DDX46: variants seen among roughly 807,000 people sequenced by gnomAD.
The protein encoded by DDX46 is probable ATP-dependent RNA helicase DDX46.
Under a neutral mutation model 134.9 loss-of-function variants are expected in DDX46, and 30 were observed. That is an observed-to-expected ratio of 0.22 (90% CI 0.17 to 0.30). DDX46 has a LOEUF of 0.30. Among genes scored for constraint, DDX46 ranks in the 10% least tolerant of loss-of-function variants. DDX46 has a pLI of 1.00. For missense variants in DDX46, 622 were observed against 1,248.7 expected (o/e 0.50, Z 7.56); for synonymous variants, 415 against 404.1 (o/e 1.03, Z -0.32).
At chr5:134,821,790 C>G (rs190815591) in intron 21 of DDX46, among the ~76,000 whole-genome samples, 184 of 149,954 alleles carry the variant, frequency 1.2e-3, no homozygotes, top group Middle Eastern at 7.0e-3. Flanking sequence ...CTCCTGACCT[C>G]ATGATCTGCC....
chr5:134,779,710 G>A (rs1484463504), intron 6 of DDX46, among the ~76,000 whole-genome samples: 3 of 151,948 alleles, frequency 2.0e-5, no homozygotes, highest in African/African-American at 2.4e-5. Context: ...GGCTGGTCTC[G>A]AACTCCTGGA....
chr5:134,763,314 A>G (rs1342622179), intron 1 of DDX46, among the ~76,000 whole-genome samples: 3 of 152,178 alleles, frequency 2.0e-5, no homozygotes, highest in Non-Finnish European at 4.4e-5. Flanking sequence ...TTGGTGTAAA[A>G]GACAGAGTCC....
At chr5:134,787,383 T>C (rs1754370508) in intron 11 of DDX46, among the ~76,000 whole-genome samples, 1 of 152,254 alleles carries the variant, frequency 6.6e-6, no homozygotes, top group South Asian at 2.1e-4. Context: ...TTCTTTGTTC[T>C]TAATAAGCTA....
intron 18 of DDX46, among the ~76,000 whole-genome samples, chr5:134,813,362 C>T (rs1019067814): frequency 6.6e-6 from 1 of 152,192 alleles, no homozygotes. Context: ...GCAGTTTAGT[C>T]AGGTAGTTCT....
chr5:134,824,833 T>C (rs1319719632), intron 21 of DDX46, among the ~76,000 whole-genome samples: 1 of 152,216 alleles, frequency 6.6e-6, no homozygotes, highest in Non-Finnish European at 1.5e-5. Context: ...GCTGGCTCCT[T>C]GGAGGCTCTG....
chr5:134,781,178 A>G lies in DDX46; in HGVS notation c.811A>G (p.Lys271Glu). Residue 271 changes from lysine (K) to glutamate (E), a missense_variant, in exon 7 of 23, where the codon AAA becomes GAA. Around this residue, in one of 8 missense-constraint regions of DDX46, gnomAD observed 244 missense variants for 349.3 expected, o/e 0.70. Coordinates refer to ENST00000452510, the MANE Select transcript of DDX46 (RefSeq NM_001300860.2). ...AAAAGTTGTCACTGTTGTGACAACCAAAAAAGCAGTTGTGGATTCTGATAA... is the reference window on the plus strand; with the variant it reads ...AAAAGTTGTCACTGTTGTGACAACCGAAAAAGCAGTTGTGGATTCTGATAA... ...VTKVVTVVTT[K>E]KAVVDSDKKK... 1 of 1,602,116 alleles carries G rather than the reference A, an allele frequency of 6.2e-7. No homozygotes were observed. Among genetic ancestry groups the G allele is most frequent in the Admixed American group, 1.8e-5 (1 of 55,874 alleles).
intron 22 of DDX46, among the ~76,000 whole-genome samples, chr5:134,828,126 C>CA (rs1460931037): frequency 6.6e-6 from 1 of 152,096 alleles, no homozygotes; most frequent in Non-Finnish European, 1.5e-5. Context: ...TCTTTAGTGC[C>CA]AGTTGCAGCT....
At chr5:134,807,155 G>T (rs1755013274) in intron 15 of DDX46, among the ~76,000 whole-genome samples, 1 of 149,030 alleles carries the variant, frequency 6.7e-6, no homozygotes, top group African/African-American at 2.5e-5. Context: ...CCAGGTTCAG[G>T]CATGTGCCAC....
intron 4 of DDX46, 54 bp from the exon 5 acceptor site, chr5:134,773,642 T>G: frequency 6.6e-7 from 1 of 1,515,246 alleles, no homozygotes; most frequent in Non-Finnish European, 8.8e-7. Context: ...AATTATTAAA[T>G]TTGGTTTTGC....
chr5:134,774,263 C>T (rs1753865177), intron 5 of DDX46, among the ~76,000 whole-genome samples: 1 of 152,154 alleles, frequency 6.6e-6, no homozygotes, highest in African/African-American at 2.4e-5. Flanking sequence ...CTTCAAGGTG[C>T]ATGTATGTTG....
At chr5:134,768,787 G>A (rs1753663022) in intron 3 of DDX46, among the ~76,000 whole-genome samples, 1 of 152,054 alleles carries the variant, frequency 6.6e-6, no homozygotes, top group African/African-American at 2.4e-5. Flanking sequence ...AAGTCTGGGT[G>A]AAGTGGCTCA....
chr5:134,782,412 C>G (rs542167905), intron 8 of DDX46, among the ~76,000 whole-genome samples: 2 of 151,918 alleles, frequency 1.3e-5, no homozygotes, highest in South Asian at 2.1e-4. Context: ...GAGGCCAAGG[C>G]GGGCAGATCA....
chr5:134,811,056 T>G (rs1755128407), intron 16 of DDX46, among the ~76,000 whole-genome samples, 165 bp from the exon 17 acceptor site: 1 of 152,154 alleles, frequency 6.6e-6, no homozygotes, highest in Admixed American at 6.5e-5. Flanking sequence ...ATATTTCACT[T>G]TGAACCATTA....
At chr5:134,816,223 A>G (rs1755284816) in intron 18 of DDX46, among the ~76,000 whole-genome samples, 2 of 152,170 alleles carry the variant, frequency 1.3e-5, no homozygotes, top group South Asian at 4.1e-4. Context: ...TCTCCCTACC[A>G]TAGACAACTG....
intron 15 of DDX46, among the ~76,000 whole-genome samples, chr5:134,796,436 A>G (rs544131185): frequency 6.6e-6 from 1 of 152,312 alleles, no homozygotes; most frequent in South Asian, 2.1e-4. Context: ...TGTACGTGCT[A>G]TCTGTAGGTT....
intron 22 of DDX46, among the ~76,000 whole-genome samples, chr5:134,827,553 G>A (rs866728406): frequency 2.0e-5 from 3 of 152,202 alleles, no homozygotes; most frequent in Non-Finnish European, 2.9e-5. Flanking sequence ...GATTACAGGC[G>A]TGAGCCGTGG....
chr5:134,804,356 A>T (rs1398837667), intron 15 of DDX46, among the ~76,000 whole-genome samples: 1 of 152,212 alleles, frequency 6.6e-6, no homozygotes, highest in African/African-American at 2.4e-5. Flanking sequence ...TGACAGATTA[A>T]ATACAGAAGA....
At position 134,814,435 on chromosome 5, in the gene DDX46, A is replaced by G. The variant is rs191216044; in HGVS notation, c.2437-1995A>G. 3.6e-3 allele frequency among the ~76,000 whole-genome samples: 556 copies of G among 152,362 alleles called. 3 individuals are homozygous for G. The highest frequency in any genetic ancestry group is 0.013 in the African/African-American group (532 of 41,590). On this transcript the variant is annotated intron_variant, in intron 18 of 22. Coordinates refer to ENST00000452510, the MANE Select transcript of DDX46 (RefSeq NM_001300860.2). Reference sequence around the variant, plus strand: ...GTAAACAGTACTTAACACGAATAAAATCAAAAGTAAGGTTAGCTCTACCAG... The same window carrying G: ...GTAAACAGTACTTAACACGAATAAAGTCAAAAGTAAGGTTAGCTCTACCAG...
At chr5:134,780,581 A>AATAC (rs1219621306) in intron 6 of DDX46, among the ~76,000 whole-genome samples, 3 of 149,168 alleles carry the variant, frequency 2.0e-5, no homozygotes, top group Non-Finnish European at 4.5e-5. Flanking sequence ...TAAATAAATA[A>AATAC]ATAAATAAAT....
Sources: gnomAD v4.1 joint callset for allele counts (sites outside exome capture counted in the v4.1 genomes callset) on GRCh38, gnomAD v4.1.1 for gene constraint, gnomAD v4.1.1 regional missense constraint, MANE v1.5 for transcripts, NCBI Gene and HGNC (gene_info 2026-07-23, HGNC 2026-07-21) for gene names.